The following FSTL5 variants were observed in gnomAD, a reference collection of about 807,000 sequenced individuals.
FSTL5 encodes the protein follistatin-related protein 5.
In FSTL5, 62 loss-of-function variants were observed where a neutral mutation model predicts 89.1. The observed-to-expected ratio is 0.70, with a 90% CI of 0.57 to 0.86. The LOEUF is 0.86. FSTL5 is among the 40% of genes least tolerant of loss of function. The pLI is 0.00. For synonymous variants in FSTL5, 383 were observed against 346.2 expected (o/e 1.11, Z -1.18); for missense variants, 1,057 against 1,001.6 (o/e 1.06, Z -0.75).
At chr4:161,721,017 G>A (rs894980260) in intron 6 of FSTL5, among the ~76,000 whole-genome samples, 5 of 152,022 alleles carry the variant, frequency 3.3e-5, no homozygotes, top group African/African-American at 1.2e-4. Context: ...GGTGGCTCAC[G>A]CCTGTAATCC....
intron 7 of FSTL5, among the ~76,000 whole-genome samples, chr4:161,630,233 A>C (rs2126655047): frequency 6.6e-6 from 1 of 152,158 alleles, no homozygotes; most frequent in Non-Finnish European, 1.5e-5. Context: ...CTTACCCTTT[A>C]CTGGTGCTGT....
chr4:161,956,734 T>C (rs1735036820), intron 3 of FSTL5, among the ~76,000 whole-genome samples: 1 of 152,006 alleles, frequency 6.6e-6, no homozygotes, highest in East Asian at 1.9e-4. Context: ...TGAAACTCTC[T>C]ATTAAAAATA....
intron 4 of FSTL5, among the ~76,000 whole-genome samples, chr4:161,820,307 G>A (rs1055720638): frequency 6.6e-6 from 1 of 152,086 alleles, no homozygotes; most frequent in Admixed American, 6.5e-5. Context: ...GGAGAAAAAT[G>A]TAAGAATTCA....
intron 3 of FSTL5, among the ~76,000 whole-genome samples, chr4:161,924,596 T>C (rs1477748073): frequency 6.6e-6 from 1 of 151,614 alleles, no homozygotes; most frequent in Non-Finnish European, 1.5e-5. Context: ...GTAGAGAGAC[T>C]AAGATTTAGG....
chr4:162,039,586 G>GA (rs1047296239), intron 2 of FSTL5, among the ~76,000 whole-genome samples: 13 of 151,606 alleles, frequency 8.6e-5, no homozygotes, highest in African/African-American at 3.2e-4. Flanking sequence ...AAGTCCAGGA[G>GA]AAAAAAACGC....
At chr4:161,477,560 A>G (rs888460385) in intron 13 of FSTL5, among the ~76,000 whole-genome samples, 1 of 151,086 alleles carries the variant, frequency 6.6e-6, no homozygotes, top group Non-Finnish European at 1.5e-5. Context: ...TTATATCTTA[A>G]TTTTTCATTT....
intron 7 of FSTL5, among the ~76,000 whole-genome samples, chr4:161,609,145 A>G (rs184298099): frequency 1.3e-5 from 2 of 152,230 alleles, no homozygotes; most frequent in Non-Finnish European, 2.9e-5. Context: ...TAGTCTCAGC[A>G]TGCAGCACAA....
At chr4:161,882,767 G>A (rs1386935968) in intron 4 of FSTL5, among the ~76,000 whole-genome samples, 1 of 151,942 alleles carries the variant, frequency 6.6e-6, no homozygotes, top group Non-Finnish European at 1.5e-5. Context: ...CATTTACAGT[G>A]GAATAATTAT....
At chr4:161,850,595 C>A (rs1579140619) in intron 4 of FSTL5, among the ~76,000 whole-genome samples, 1 of 152,090 alleles carries the variant, frequency 6.6e-6, no homozygotes, top group Non-Finnish European at 1.5e-5. Flanking sequence ...GGCTGTGGGG[C>A]ATCTGTCAAT....
chr4:161,633,235 G>A (rs1258894166), intron 7 of FSTL5, among the ~76,000 whole-genome samples: 1 of 150,280 alleles, frequency 6.7e-6, no homozygotes, highest in Non-Finnish European at 1.5e-5. Context: ...AAATTATACA[G>A]CTTCCCCCCC....
intron 3 of FSTL5, 146 bp downstream of exon 3, chr4:162,033,479 C>G (rs969515360): frequency 6.6e-5 from 36 of 544,538 alleles, no homozygotes; most frequent in Admixed American, 1.5e-4. Context: ...CCTCATAGGG[C>G]TCAAAATGGC....
At chr4:161,840,486 A>C (rs1193717169) in intron 4 of FSTL5, among the ~76,000 whole-genome samples, 1 of 152,196 alleles carries the variant, frequency 6.6e-6, no homozygotes, top group Non-Finnish European at 1.5e-5. Context: ...AAAAATTAAA[A>C]AGCATAAATA....
intron 15 of FSTL5, among the ~76,000 whole-genome samples, chr4:161,424,131 C>G (rs1313067521): frequency 6.7e-6 from 1 of 150,032 alleles, no homozygotes; most frequent in Non-Finnish European, 1.5e-5. Context: ...CCCGCCTCGG[C>G]CTCCCAAAGT....
intron 4 of FSTL5, among the ~76,000 whole-genome samples, chr4:161,849,584 A>C (rs897362910): frequency 5.3e-5 from 8 of 151,610 alleles, no homozygotes; most frequent in Admixed American, 2.0e-4. Context: ...ATTCTATTGG[A>C]TATTTTCCCT....
intron 3 of FSTL5, among the ~76,000 whole-genome samples, chr4:162,009,523 A>G (rs781236540): frequency 2.0e-5 from 3 of 152,054 alleles, no homozygotes; most frequent in Admixed American, 6.6e-5. Context: ...ATGCCACCCC[A>G]AAAAGCACTC....
intron 13 of FSTL5, among the ~76,000 whole-genome samples, chr4:161,472,885 T>C (rs942446171): frequency 6.6e-6 from 1 of 151,946 alleles, no homozygotes; most frequent in Admixed American, 6.6e-5. Flanking sequence ...CCACCATGGC[T>C]GGCTAATTTT....
intron 6 of FSTL5, among the ~76,000 whole-genome samples, chr4:161,723,301 T>C (rs1404910644): frequency 2.0e-5 from 3 of 152,154 alleles, no homozygotes; most frequent in Non-Finnish European, 2.9e-5. Flanking sequence ...TGTCAGAGTA[T>C]GGAGGAATTT....
intron 7 of FSTL5, among the ~76,000 whole-genome samples, chr4:161,600,676 C>G (rs1734199491): frequency 2.0e-5 from 3 of 152,024 alleles, no homozygotes; most frequent in Admixed American, 6.6e-5. Flanking sequence ...CTATATTAGT[C>G]AAGTTTTGAA....
chr4:161,802,391 A>G (rs1322971926), intron 4 of FSTL5, among the ~76,000 whole-genome samples: 1 of 151,682 alleles, frequency 6.6e-6, no homozygotes, highest in African/African-American at 2.4e-5. Context: ...TGCCCTTATA[A>G]TTATCCAATC....
Sources: gnomAD v4.1 joint callset for allele counts (sites outside exome capture counted in the v4.1 genomes callset) on GRCh38, gnomAD v4.1.1 for gene constraint, MANE v1.5 for transcripts, NCBI Gene and HGNC (gene_info 2026-07-23, HGNC 2026-07-21) for gene names.